The following BICDL1 variants were observed in gnomAD, a reference collection of about 807,000 sequenced individuals.
BICDL1 encodes the protein BICD family like cargo adaptor 1.
BICDL1 carries 20 observed loss-of-function variants against 76.8 expected under a neutral mutation model. The observed-to-expected ratio is 0.26, with a 90% CI of 0.18 to 0.38. The LOEUF (loss-of-function observed/expected upper bound fraction) is 0.38, where lower values mean the gene tolerates loss of function less well. BICDL1 is among the 10% of genes least tolerant of loss of function. BICDL1 has a pLI of 1.00. For missense variants in BICDL1, 700 were observed against 798.6 expected, an observed-to-expected ratio of 0.88 and a Z score of 1.49; for synonymous variants, 383 against 337.1, an observed-to-expected ratio of 1.14 and a Z score of -1.49.
intron 2 of BICDL1, among the ~76,000 whole-genome samples, chr12:120,036,855 G>T (rs978685405): frequency 5.3e-5 from 8 of 152,204 alleles, no homozygotes; most frequent in African/African-American, 1.7e-4. Context: ...CAGCCTGGGT[G>T]ACAGAGTGAG....
At chr12:120,027,437 T>G (rs1366109485) in intron 2 of BICDL1, among the ~76,000 whole-genome samples, 1 of 152,160 alleles carries the variant, frequency 6.6e-6, no homozygotes, top group Non-Finnish European at 1.5e-5. Context: ...TTTAATATAT[T>G]AAATCTCATT....
intron 2 of BICDL1, among the ~76,000 whole-genome samples, chr12:120,021,949 AAAAAT>A (rs1188265472): frequency 3.4e-5 from 5 of 149,136 alleles, no homozygotes; most frequent in South Asian, 2.1e-4. Flanking sequence ...ATAAAATAAT[AAAAAT>A]AAAATAAAAT....
chr12:120,093,244 G>C lies in BICDL1; in HGVS notation c.*83G>C, dbSNP rs1875142754. On this transcript the variant is annotated 3_prime_UTR_variant, in exon 10 of 10. Transcript: ENST00000548673. ...GCAGGCAAGGCCTCCCCTGCAGCTT[G>C]CACCTCAGCAGCTGCCCTGCCCCTC... 2.7e-6 allele frequency: 4 copies of C among 1,462,754 alleles called. No individual in the cohort carries two copies. Among genetic ancestry groups the C allele is most frequent in the Non-Finnish European group, 2.8e-6 (3 of 1,075,014 alleles). 90.6% of individuals were successfully genotyped at this position (1,462,754 alleles called of 1,614,324 possible). A position where few individuals can be genotyped will look rare whatever the true frequency, so the allele number is the denominator to read the frequency against.
Position 119,995,902 on chromosome 12 carries a change from C to G in BICDL1, c.430-2619C>G, listed in dbSNP as rs538217773. ...TCGGGAGGCTGAGGCAGGAGAATGG[C>G]GTAAACCCGGGAGGCGGAGGTTGCA... On this transcript the variant is annotated intron_variant, in intron 1 of 9. Coordinates refer to ENST00000548673, the MANE Select transcript of BICDL1 (RefSeq NM_001367886.1). Among the ~76,000 whole-genome samples, 4 of 151,416 alleles carry G rather than the reference C, an allele frequency of 2.6e-5. No individual in the cohort carries two copies. The South Asian group carries it at 8.3e-4, about 32-fold the overall frequency.
intron 4 of BICDL1, among the ~76,000 whole-genome samples, chr12:120,068,527 GC>G (rs1872828096): frequency 6.6e-6 from 1 of 152,164 alleles, no homozygotes; most frequent in Admixed American, 6.5e-5. Flanking sequence ...TAAGAAGATA[GC>G]ATTTAGGCCG....
chr12:120,065,660 A>C (rs560278289), intron 4 of BICDL1, among the ~76,000 whole-genome samples: 29 of 152,318 alleles, frequency 1.9e-4, no homozygotes, highest in African/African-American at 7.0e-4. Flanking sequence ...TTCTCTGTGC[A>C]TGCCAGGGAG....
chr12:120,054,263 T>C (rs547879001), intron 2 of BICDL1, among the ~76,000 whole-genome samples: 2 of 151,980 alleles, frequency 1.3e-5, no homozygotes, highest in East Asian at 3.9e-4. Flanking sequence ...TTAGTAGAGA[T>C]AGAGTTTCTG....
intron 2 of BICDL1, chr12:120,018,786 A>G (rs1408332543): frequency 6.6e-6 from 1 of 152,096 alleles, no homozygotes; most frequent in Admixed American, 6.6e-5. Context: ...TGGCTCACAC[A>G]TGTAATCCCA....
intron 2 of BICDL1, among the ~76,000 whole-genome samples, chr12:120,006,959 A>G (rs909246806): frequency 6.6e-6 from 1 of 152,174 alleles, no homozygotes; most frequent in Non-Finnish European, 1.5e-5. Flanking sequence ...GCGACTCCCC[A>G]GGTAGAGTTG....
chr12:120,014,405 C>G lies in BICDL1; in HGVS notation c.645+15669C>G, dbSNP rs114022299. 5.0e-3 allele frequency among the ~76,000 whole-genome samples: 766 copies of G among 152,114 alleles called. 5 individuals carry two copies. Among genetic ancestry groups the G allele is most frequent in the African/African-American group, 0.016 (677 of 41,498 alleles). On this transcript the variant is annotated intron_variant, in intron 2 of 9. Coordinates refer to ENST00000548673, the MANE Select transcript of BICDL1 (RefSeq NM_001367886.1). The stretch of plus-strand genomic sequence containing the variant: ...ACCAGCAGAGTTTGAATTAAAAAAC[C>G]ATTCTTGCACCGGTGCAGTGGCTCA...
chr12:120,013,040 G>A (rs2138673531), intron 2 of BICDL1, among the ~76,000 whole-genome samples: 1 of 152,180 alleles, frequency 6.6e-6, no homozygotes, highest in South Asian at 2.1e-4. Context: ...GCCGGTAATG[G>A]TGGCTCATGC....
At chr12:120,085,563 A>G (rs1442533997) in intron 8 of BICDL1, among the ~76,000 whole-genome samples, 2 of 152,204 alleles carry the variant, frequency 1.3e-5, no homozygotes, top group Non-Finnish European at 1.5e-5. Flanking sequence ...TAATCCTAGC[A>G]CTTTGGGAGG....
At chr12:120,040,751 C>CTTTTTTTT (rs57089775) in intron 2 of BICDL1, among the ~76,000 whole-genome samples, 17,251 of 133,624 alleles carry the variant, frequency 0.13, 2,145 homozygotes, top group African/African-American at 0.31. Context: ...ATAGGAAATA[C>CTTTTTTTT]TTTTTTTTTT....
At chr12:120,007,636 A>G (rs1951874686) in intron 2 of BICDL1, among the ~76,000 whole-genome samples, 2 of 152,250 alleles carry the variant, frequency 1.3e-5, no homozygotes, top group South Asian at 2.1e-4. Context: ...CAGTTTGCAT[A>G]CTAGCTGAAA....
intron 2 of BICDL1, among the ~76,000 whole-genome samples, chr12:120,034,083 A>G (rs761243252): frequency 2.0e-5 from 3 of 152,242 alleles, no homozygotes; most frequent in South Asian, 2.1e-4. Context: ...AGTTTTCACA[A>G]GTAACTTCAC....
At chr12:120,043,520 C>T (rs1952685320) in intron 2 of BICDL1, among the ~76,000 whole-genome samples, 1 of 152,168 alleles carries the variant, frequency 6.6e-6, no homozygotes, top group African/African-American at 2.4e-5. Flanking sequence ...TAGGTAGAAA[C>T]ACCGAGCAGC....
intron 8 of BICDL1, among the ~76,000 whole-genome samples, chr12:120,085,729 G>A (rs572978150): frequency 6.8e-6 from 1 of 147,598 alleles, no homozygotes; most frequent in East Asian, 2.0e-4. Context: ...GAGCCCAGAA[G>A]GTTGAGGCTG....
intron 2 of BICDL1, among the ~76,000 whole-genome samples, chr12:120,022,705 A>G (rs1284660072): frequency 2.0e-5 from 3 of 152,090 alleles, no homozygotes; most frequent in Admixed American, 1.3e-4. Flanking sequence ...CAGGTAATGC[A>G]GGAGAGTGAT....
intron 1 of BICDL1, among the ~76,000 whole-genome samples, chr12:119,997,787 A>G (rs1951680469): frequency 6.6e-6 from 1 of 151,986 alleles, no homozygotes; most frequent in African/African-American, 2.4e-5. Context: ...TATGCCATGG[A>G]TAATAGGTGA....
Sources: gnomAD v4.1 joint callset for allele counts (sites outside exome capture counted in the v4.1 genomes callset) on GRCh38, gnomAD v4.1.1 for gene constraint, MANE v1.5 for transcripts, NCBI Gene and HGNC (gene_info 2026-07-23, HGNC 2026-07-21) for gene names.